MAML3: variants seen among roughly 807,000 people sequenced by gnomAD.
MAML3 encodes mastermind like transcriptional coactivator 3, also known as mastermind-like protein 3.
MAML3 carries 27 observed loss-of-function variants against 101.9 expected under a neutral mutation model. That is an observed-to-expected ratio of 0.27 (90% confidence interval 0.20 to 0.37). The LOEUF (loss-of-function observed/expected upper bound fraction) is 0.37, where lower values mean the gene tolerates loss of function less well. Among genes scored for constraint, MAML3 ranks in the 10% least tolerant of loss-of-function variants. MAML3 has a pLI of 1.00. For missense variants in MAML3, 1,316 were observed against 1,444.9 expected, an observed-to-expected ratio of 0.91 and a Z score of 1.45; for synonymous variants, 501 against 555.9, an observed-to-expected ratio of 0.90 and a Z score of 1.39.
chr4:139,877,930 CCTTTT>C lies in MAML3; in HGVS notation c.2079+11422_2079+11426del, dbSNP rs1226388939. ...ATGATCATAAATATTTGATTCATTTCCTTTTATCTTGTCATTTATTCAAGCACCAA... is the reference window on the plus strand; with the variant it reads ...ATGATCATAAATATTTGATTCATTTCATCTTGTCATTTATTCAAGCACCAA... On this transcript the variant is annotated intron_variant, in intron 2 of 4. Coordinates refer to ENST00000509479, the MANE Select transcript of MAML3 (RefSeq NM_018717.5). Among the ~76,000 whole-genome samples, 15 of 152,100 alleles carry C rather than the reference CCTTTT, an allele frequency of 9.9e-5. 1 individual carries two copies. The highest frequency in any genetic ancestry group is 3.6e-4 in the African/African-American group (15 of 41,392).
At chr4:140,021,851 C>G (rs1726738681) in intron 1 of MAML3, among the ~76,000 whole-genome samples, 1 of 152,208 alleles carries the variant, frequency 6.6e-6, no homozygotes, top group Non-Finnish European at 1.5e-5. Flanking sequence ...GTCCACCCCA[C>G]TCCATCAGCA....
At chr4:139,769,350 C>T (rs973068405) in intron 2 of MAML3, among the ~76,000 whole-genome samples, 13 of 152,156 alleles carry the variant, frequency 8.5e-5, no homozygotes, top group African/African-American at 3.1e-4. Flanking sequence ...ATCTCAGGTG[C>T]ATGGAACACA....
Position 140,099,018 on chromosome 4 carries a change from T to C in MAML3, c.468+53842A>G, listed in dbSNP as rs557375330. ...TCGGTCTGTTCCAGATGTGGTACAATAGGCTCTTTGTTTACAAGATTGTAA... is the reference window on the plus strand; with the variant it reads ...TCGGTCTGTTCCAGATGTGGTACAACAGGCTCTTTGTTTACAAGATTGTAA... On this transcript the variant is annotated intron_variant, in intron 1 of 4. Coordinates refer to ENST00000509479, the MANE Select transcript of MAML3 (RefSeq NM_018717.5). Among the ~76,000 whole-genome samples the C allele has an allele frequency of 3.1e-4, 47 of 152,316 alleles. 3 individuals are homozygous for C. The South Asian group carries it at 6.8e-3, about 22-fold the overall frequency.
At chr4:139,996,389 T>C (rs766774655) in intron 1 of MAML3, among the ~76,000 whole-genome samples, 1 of 152,144 alleles carries the variant, frequency 6.6e-6, no homozygotes, top group Non-Finnish European at 1.5e-5. Context: ...TGTTGAATTA[T>C]TGTCTATTTC....
intron 1 of MAML3, among the ~76,000 whole-genome samples, chr4:140,109,414 C>A (rs999883928): frequency 6.6e-6 from 1 of 152,184 alleles, no homozygotes; most frequent in Non-Finnish European, 1.5e-5. Context: ...TTTCAGAGTG[C>A]AGAACTAGTT....
intron 2 of MAML3, among the ~76,000 whole-genome samples, chr4:139,813,056 CTT>C (rs1730832306): frequency 1.3e-5 from 2 of 148,872 alleles, no homozygotes; most frequent in African/African-American, 4.9e-5. Flanking sequence ...AAATAAAACT[CTT>C]ATAAATTAGA....
At chr4:140,146,701 T>C (rs552228328) in intron 1 of MAML3, among the ~76,000 whole-genome samples, 1 of 152,248 alleles carries the variant, frequency 6.6e-6, no homozygotes, top group Admixed American at 6.5e-5. Context: ...ATTAACTTAT[T>C]TGGCAGATAC....
chr4:139,840,057 C>G (rs1731334401), intron 2 of MAML3, among the ~76,000 whole-genome samples: 1 of 152,174 alleles, frequency 6.6e-6, no homozygotes, highest in African/African-American at 2.4e-5. Context: ...GTCTGTATAT[C>G]ACCATGACCA....
At chr4:139,970,311 A>G (rs1378545656) in intron 1 of MAML3, among the ~76,000 whole-genome samples, 2 of 152,170 alleles carry the variant, frequency 1.3e-5, no homozygotes, top group African/African-American at 4.8e-5. Flanking sequence ...AAGAAAACAC[A>G]AGCAAAAGCT....
intron 1 of MAML3, among the ~76,000 whole-genome samples, chr4:140,058,867 G>GGAAGAA (rs1407942284): frequency 6.6e-6 from 1 of 152,088 alleles, no homozygotes; most frequent in East Asian, 1.9e-4. Flanking sequence ...AGAGAATAAA[G>GGAAGAA]GAAGAAAAAG....
chr4:139,942,969 A>G (rs147082762), intron 1 of MAML3, among the ~76,000 whole-genome samples: 43 of 152,348 alleles, frequency 2.8e-4, no homozygotes, highest in African/African-American at 1.0e-3. Context: ...AAATGTTTAT[A>G]GAGATATATT....
chr4:139,802,714 C>T (rs557513355), intron 2 of MAML3, among the ~76,000 whole-genome samples: 1 of 152,290 alleles, frequency 6.6e-6, no homozygotes, highest in East Asian at 1.9e-4. Context: ...AGAGTGGGGT[C>T]AAGTCTGGGC....
intron 1 of MAML3, among the ~76,000 whole-genome samples, chr4:139,922,356 A>C (rs1031551116): frequency 1.3e-5 from 2 of 152,178 alleles, no homozygotes; most frequent in East Asian, 3.9e-4. Context: ...GATCATTACC[A>C]TATCAAAGGC....
intron 1 of MAML3, among the ~76,000 whole-genome samples, chr4:140,150,031 A>G (rs747756637): frequency 5.3e-5 from 8 of 150,532 alleles, no homozygotes; most frequent in Non-Finnish European, 7.4e-5. Flanking sequence ...CATCACACAT[A>G]CCAGTGAGAG....
chr4:139,939,770 T>C lies in MAML3; in HGVS notation c.469-48803A>G, dbSNP rs551175550. On this transcript the variant is annotated intron_variant, in intron 1 of 4. Coordinates refer to ENST00000509479, the MANE Select transcript of MAML3 (RefSeq NM_018717.5). ...GGTTCTCAACAGGCACTTGCTTTTT[T>C]TTTTTTTTTTTTGAGATGGAGTCTC... 3.3e-5 allele frequency among the ~76,000 whole-genome samples: 5 copies of C among 150,784 alleles called. No individual in the cohort carries two copies. The East Asian group carries it at 7.8e-4, about 23-fold the overall frequency.
At position 139,785,139 on chromosome 4, in the gene MAML3, C is replaced by A. The variant is rs1428204680; in HGVS notation, c.2080-54472G>T. The stretch of plus-strand genomic sequence containing the variant: ...GACACAAACACTCATGAGGCCAGGG[C>A]CGATACCTGGATTCCTAACTGACAG... On this transcript the variant is annotated intron_variant, in intron 2 of 4. Coordinates refer to ENST00000509479, the MANE Select transcript of MAML3 (RefSeq NM_018717.5). The surrounding 1 kb of genome is among the most constrained non-coding windows in gnomAD (Gnocchi z 4.3). Among the ~76,000 whole-genome samples the A allele has an allele frequency of 6.6e-6, 1 of 152,190 alleles. No homozygotes were observed. Among genetic ancestry groups the A allele is most frequent in the East Asian group, 1.9e-4 (1 of 5,202 alleles).
chr4:140,011,138 C>CATATGTCATATATATTTATATATAT (rs1560865755), intron 1 of MAML3, among the ~76,000 whole-genome samples: 4 of 112,816 alleles, frequency 3.5e-5, no homozygotes, highest in African/African-American at 1.3e-4. Context: ...TATATATATA[C>CATATGTCATATATATTTATATATAT]ACATATGTCA....
intron 1 of MAML3, among the ~76,000 whole-genome samples, chr4:139,976,822 G>A (rs998429655): frequency 1.3e-5 from 2 of 152,070 alleles, no homozygotes; most frequent in African/African-American, 4.8e-5. Context: ...TCTCAACTAG[G>A]GTGATTTTTT....
rs771445637 is a variant in MAML3 at position 139,719,878 on chromosome 4, T to C, written c.2862A>G (p.Gly954=). The C allele has an allele frequency of 6.2e-7, 1 of 1,613,960 alleles. No homozygotes were observed. Among genetic ancestry groups the C allele is most frequent in the Non-Finnish European group, 8.5e-7 (1 of 1,179,886 alleles). ...AGCTTTGTGCTCCTTGCTGGACTGT[T>C]CCCATAAGGCTCTGCAGCCTTGGAG... ...QAPPRLQSLM[G]TVQQGAQSWQ... The change falls in exon 5 of 5, where the codon GGA becomes GGG. Residue 954 remains glycine (G), a synonymous_variant. Coordinates refer to ENST00000509479, the MANE Select transcript of MAML3 (RefSeq NM_018717.5).
Sources: gnomAD v4.1 joint callset for allele counts (sites outside exome capture counted in the v4.1 genomes callset) on GRCh38, gnomAD v4.1.1 for gene constraint, Gnocchi (gnomAD v3.1) non-coding constraint, MANE v1.5 for transcripts, NCBI Gene and HGNC (gene_info 2026-07-23, HGNC 2026-07-21) for gene names.